The following TRIP12 variants were observed in gnomAD, a reference collection of about 807,000 sequenced individuals.
TRIP12 encodes the protein thyroid hormone receptor interactor 12.
TRIP12 carries 25 observed loss-of-function variants against 244.2 expected under a neutral mutation model. That is an observed-to-expected ratio of 0.10 (90% CI 0.07 to 0.14). The LOEUF (loss-of-function observed/expected upper bound fraction) is 0.14. Among genes scored for constraint, TRIP12 ranks in the 10% least tolerant of loss-of-function variants. The pLI is 1.00. For synonymous variants in TRIP12, 905 were observed against 873.1 expected (o/e 1.04, Z -0.64); for missense variants, 1,677 against 2,486.4 (o/e 0.67, Z 6.92).
intron 8 of TRIP12, among the ~76,000 whole-genome samples, chr2:229,827,352 TTAAC>T (rs2051970686): frequency 6.6e-6 from 1 of 152,064 alleles, no homozygotes; most frequent in African/African-American, 2.4e-5. Context: ...TAAACTTTTG[TTAAC>T]TATTTTGTAG....
At chr2:229,854,794 C>T (rs2059308250) in intron 4 of TRIP12, among the ~76,000 whole-genome samples, 1 of 152,216 alleles carries the variant, frequency 6.6e-6, no homozygotes, top group Non-Finnish European at 1.5e-5. Context: ...GAAACCTACC[C>T]AGACTGAGCT....
At chr2:229,781,377 G>GT (rs1427964140) in intron 34 of TRIP12, among the ~76,000 whole-genome samples, 1 of 152,342 alleles carries the variant, frequency 6.6e-6, no homozygotes, top group East Asian at 1.9e-4. Context: ...CACTTATTAT[G>GT]TGACAATGGT....
At position 229,778,921 on chromosome 2, in the gene TRIP12, A is replaced by G; in HGVS notation, c.5164T>C (p.Leu1722=). 6.2e-7 allele frequency: 1 copy of G among 1,613,992 alleles called. No homozygotes were observed. Among genetic ancestry groups the G allele is most frequent in the Non-Finnish European group, 8.5e-7 (1 of 1,179,868 alleles). The change falls in exon 35 of 42, where the codon TTG becomes CTG. Residue 1722 remains leucine, a synonymous_variant. Transcript: ENST00000675903. This position sits in a 1 kb window ranked among gnomAD's most constrained non-coding sequence, Gnocchi z 4.1. ...ACTTCTTCACCTCTCCAAAGACCCA[A>G]GTCAGCTCTCTGTAGTTCCTGAGAT... ...LVSQELQRAD[L]GLWRGEEVTL... is the part of the protein sequence containing the mutation.
At chr2:229,922,699 AC>A (rs1214712088), upstream of TRIP12, 13 of 1,365,192 alleles carry the variant, frequency 9.5e-6, no homozygotes, top group East Asian at 3.3e-4. Flanking sequence ...GCCAAGAGCA[AC>A]CGTAGCCCGC....
chr2:229,836,427 A>G (rs749996259), intron 6 of TRIP12, among the ~76,000 whole-genome samples: 22 of 152,220 alleles, frequency 1.4e-4, no homozygotes, highest in Non-Finnish European at 2.8e-4. Context: ...AGAAGCCCAT[A>G]ACAATATAAA....
chr2:229,858,735 T>C (rs1482190192), intron 4 of TRIP12, 37 bp downstream of exon 4: 3 of 1,517,250 alleles, frequency 2.0e-6, no homozygotes, highest in African/African-American at 1.4e-5. Context: ...AGAGAAACTT[T>C]CTTTAATTAA....
chr2:229,785,044 T>C (rs554156101), intron 34 of TRIP12, among the ~76,000 whole-genome samples: 5 of 152,196 alleles, frequency 3.3e-5, no homozygotes, highest in African/African-American at 9.6e-5. Context: ...CAACTGGTGA[T>C]TGTTAAACAT....
At chr2:229,785,067 C>G (rs1474761434) in intron 34 of TRIP12, among the ~76,000 whole-genome samples, 1 of 152,022 alleles carries the variant, frequency 6.6e-6, no homozygotes, top group African/African-American at 2.4e-5. Flanking sequence ...TTTGGTGCAC[C>G]CATATAATGG....
In TRIP12 at chr2:229,804,237, T is replaced by TAA; in HGVS notation, c.2651-12_2651-11dup. The TAA allele has an allele frequency of 1.4e-6, 2 of 1,435,702 alleles. No homozygotes were observed. Among genetic ancestry groups the TAA allele is most frequent in the Non-Finnish European group, 1.9e-6 (2 of 1,045,134 alleles). 88.9% of individuals were successfully genotyped at this position (1,435,702 alleles called of 1,614,324 possible). A position where few individuals can be genotyped will look rare whatever the true frequency, so the allele number is the denominator to read the frequency against. ...GACTCTGAATATCCACCTATTACATTAAAAAAAAATATATGTGCAATCCTG... is the reference window on the plus strand; with the variant it reads ...GACTCTGAATATCCACCTATTACATTAAAAAAAAAAATATATGTGCAATCCTG... On this transcript the variant is annotated splice_polypyrimidine_tract_variant and intron_variant, in intron 18 of 41. Coordinates refer to ENST00000675903, the MANE Select transcript of TRIP12 (RefSeq NM_001348323.3).
intron 4 of TRIP12, among the ~76,000 whole-genome samples, chr2:229,844,009 AGCGGCAATTTGCAAGGTTT>A (rs2057060977): frequency 6.6e-6 from 1 of 152,246 alleles, no homozygotes; most frequent in African/African-American, 2.4e-5. Context: ...CTTTCAAAAC[AGCGGCAATTTGCAAGGTTT>A]GGCTTTCGAA....
intron 2 of TRIP12, among the ~76,000 whole-genome samples, chr2:229,861,022 C>T (rs1037543502): frequency 6.6e-6 from 1 of 152,084 alleles, no homozygotes; most frequent in Non-Finnish European, 1.5e-5. Flanking sequence ...CAGAGACAGA[C>T]GAACCAATTC....
intron 6 of TRIP12, among the ~76,000 whole-genome samples, chr2:229,834,703 T>C (rs1163532190): frequency 6.6e-6 from 1 of 151,894 alleles, no homozygotes; most frequent in African/African-American, 2.4e-5. Context: ...GAGGCTGCAG[T>C]GAGCTGAGAT....
Position 229,789,768 on chromosome 2 carries a change from G to T in TRIP12, c.4544-6C>A. On this transcript the variant is annotated splice_region_variant and splice_polypyrimidine_tract_variant and intron_variant, in intron 30 of 41. Transcript: ENST00000675903. ...TACTGATGGGCACACTCCATCTAAA[G>T]GACAAAAGATCAAAGTAAGTTTTGA... 1 of 1,613,210 alleles carries T rather than the reference G, an allele frequency of 6.2e-7. No homozygotes were observed. Among genetic ancestry groups the T allele is most frequent in the Non-Finnish European group, 8.5e-7 (1 of 1,179,600 alleles).
intron 13 of TRIP12, among the ~76,000 whole-genome samples, chr2:229,813,503 G>A (rs2047757085): frequency 6.6e-6 from 1 of 152,160 alleles, no homozygotes; most frequent in Non-Finnish European, 1.5e-5. Context: ...TAAAAAAGTG[G>A]CTGGGCGCGG....
chr2:229,910,184 A>C (rs1301894285), intron 1 of TRIP12, among the ~76,000 whole-genome samples: 1 of 152,224 alleles, frequency 6.6e-6, no homozygotes, highest in Non-Finnish European at 1.5e-5. Context: ...CTAACTTTAC[A>C]ACTGTCTGAA....
At chr2:229,815,994 G>A (rs1415999492) in intron 9 of TRIP12, among the ~76,000 whole-genome samples, 3 of 152,132 alleles carry the variant, frequency 2.0e-5, no homozygotes, top group Non-Finnish European at 4.4e-5. Flanking sequence ...ATGCAAAACT[G>A]CTGAGGATAC....
rs777379387 is a variant in TRIP12 at position 229,796,681 on chromosome 2, C to A, written c.3726G>T (p.Leu1242=). Residue 1242 remains leucine (L), a synonymous_variant, in exon 25 of 42, where the codon CTG becomes CTT. Transcript: ENST00000675903. ...EIQHSGFVKQ[L]LLYLTSKSEK... ...CACTTTTAGATGTCAAATAAAGCAACAGCTGCTTCACAAATCCACTATGTT... is the reference window on the plus strand; with the variant it reads ...CACTTTTAGATGTCAAATAAAGCAAAAGCTGCTTCACAAATCCACTATGTT... 6 of 1,613,108 alleles carry A rather than the reference C, an allele frequency of 3.7e-6. No homozygotes were observed. The highest frequency in any genetic ancestry group is 3.4e-5 in the Admixed American group (2 of 59,620).
At position 229,791,231 on chromosome 2, in the gene TRIP12, T is replaced by A; in HGVS notation, c.4436A>T (p.Asp1479Val). ...HTIWYKPVRE[D>V]EESNKDCVGG... is the part of the protein sequence containing the mutation. Reference sequence around the variant, plus strand: ...AACACAATCTTTATTACTTTCTTCATCCTCTCTCACAGGTTTATACCTAAA... The same window carrying A: ...AACACAATCTTTATTACTTTCTTCAACCTCTCTCACAGGTTTATACCTAAA... Residue 1479 changes from aspartate to valine, a missense_variant, in exon 30 of 42, where the codon GAT becomes GTT. Physicochemically the swap from Asp to Val is radical, Grantham distance 152. Coordinates refer to ENST00000675903, the MANE Select transcript of TRIP12 (RefSeq NM_001348323.3). 6.2e-7 allele frequency: 1 copy of A among 1,614,088 alleles called. No homozygotes were observed. The highest frequency in any genetic ancestry group is 1.1e-5 in the South Asian group (1 of 91,070).
At chr2:229,805,926 A>C in intron 17 of TRIP12, 43 bp from the exon 18 acceptor site, 1 of 1,458,928 alleles carries the variant, frequency 6.9e-7, no homozygotes, top group Non-Finnish European at 9.2e-7. Flanking sequence ...AACATTGAGA[A>C]ATCTATTACC....
Sources: allele counts gnomAD v4.1 joint callset (sites outside exome capture counted in the v4.1 genomes callset), GRCh38; gene constraint gnomAD v4.1.1; non-coding constraint Gnocchi (gnomAD v3.1); transcripts MANE v1.5; gene names NCBI Gene and HGNC (gene_info 2026-07-23, HGNC 2026-07-21).